DCTN6: variants seen among roughly 807,000 people sequenced by gnomAD.
The protein encoded by DCTN6 is dynactin 6.
Under a neutral mutation model 25.8 loss-of-function variants are expected in DCTN6, and 15 were observed. The ratio of observed to expected loss-of-function variants is 0.58; its 90% CI spans 0.39 to 0.89. The LOEUF (loss-of-function observed/expected upper bound fraction) is 0.89. Among genes scored for constraint, DCTN6 ranks in the 40% least tolerant of loss-of-function variants. The pLI is 0.00. For missense variants in DCTN6, 198 were observed against 237.6 expected, an observed-to-expected ratio of 0.83 and a Z score of 1.09; for synonymous variants, 64 against 78.3, an observed-to-expected ratio of 0.82 and a Z score of 0.96.
chr8:30,168,286 A>C (rs1272668624), intron 2 of DCTN6, among the ~76,000 whole-genome samples: 3 of 152,236 alleles, frequency 2.0e-5, no homozygotes, highest in African/African-American at 7.2e-5. Context: ...TTTCAGAATT[A>C]GTAATTAGAT....
At chr8:30,168,233 T>C (rs1167616931) in intron 2 of DCTN6, among the ~76,000 whole-genome samples, 2 of 152,256 alleles carry the variant, frequency 1.3e-5, no homozygotes, top group African/African-American at 4.8e-5. Flanking sequence ...GTCTCATTTT[T>C]GTTATGTATG....
chr8:30,157,383 T>C (rs1803540268), intron 1 of DCTN6, among the ~76,000 whole-genome samples: 1 of 152,242 alleles, frequency 6.6e-6, no homozygotes, highest in African/African-American at 2.4e-5. Context: ...TTGTGAATAG[T>C]ACAGTGATAG....
intron 2 of DCTN6, among the ~76,000 whole-genome samples, chr8:30,169,754 G>A (rs531723698): frequency 6.6e-6 from 1 of 152,288 alleles, no homozygotes; most frequent in South Asian, 2.1e-4. Flanking sequence ...ACGTTTCAGT[G>A]TGCTGTTTCT....
intron 2 of DCTN6, among the ~76,000 whole-genome samples, chr8:30,168,372 G>A (rs1020783978): frequency 6.6e-6 from 1 of 152,094 alleles, no homozygotes; most frequent in Non-Finnish European, 1.5e-5. Context: ...TTTTTCTGAT[G>A]TAATGCATCA....
At chr8:30,161,203 G>A (rs1342534486) in intron 1 of DCTN6, among the ~76,000 whole-genome samples, 2 of 152,116 alleles carry the variant, frequency 1.3e-5, no homozygotes, top group Admixed American at 6.5e-5. Flanking sequence ...TTGTGAAGAA[G>A]GTGTCTGCTT....
intron 4 of DCTN6, among the ~76,000 whole-genome samples, chr8:30,178,647 T>C (rs1319948815): frequency 2.0e-5 from 3 of 152,134 alleles, no homozygotes; most frequent in Non-Finnish European, 4.4e-5. Context: ...GTTATGTTTT[T>C]AAAGATTTTT....
chr8:30,173,464 G>A (rs920233788), intron 2 of DCTN6, among the ~76,000 whole-genome samples: 1 of 152,244 alleles, frequency 6.6e-6, no homozygotes, highest in African/African-American at 2.4e-5. Context: ...CATTAGGTGG[G>A]GCACAGTGGC....
intron 2 of DCTN6, chr8:30,165,842 CAA>C (rs1803660863): frequency 2.1e-5 from 3 of 144,896 alleles, no homozygotes; most frequent in Admixed American, 1.4e-4. Context: ...GCCTGGGCAA[CAA>C]GAGCGAAACT....
chr8:30,163,545 T>C (rs1192983914), intron 1 of DCTN6, among the ~76,000 whole-genome samples: 1 of 152,218 alleles, frequency 6.6e-6, no homozygotes, highest in East Asian at 1.9e-4. Context: ...AGCTTTTTGT[T>C]GTTTAGAAAC....
At chr8:30,177,331 T>G in intron 4 of DCTN6, 117 bp downstream of exon 4, 1 of 674,720 alleles carries the variant, frequency 1.5e-6, no homozygotes, top group Admixed American at 3.2e-5. Context: ...AGTCTTCTCC[T>G]GTAGAAATTG....
At chr8:30,178,961 G>T (rs1803879224) in intron 4 of DCTN6, among the ~76,000 whole-genome samples, 1 of 152,122 alleles carries the variant, frequency 6.6e-6, no homozygotes. Context: ...CTGGCCTAAA[G>T]ATTTTAATAG....
intron 6 of DCTN6, 134 bp from the exon 7 acceptor site, chr8:30,182,941 T>C: frequency 1.5e-6 from 1 of 679,916 alleles, no homozygotes; most frequent in Non-Finnish European, 2.6e-6. Context: ...CTGGAACTCC[T>C]GAGCTCAAAT....
At position 30,183,290 on chromosome 8, in the gene DCTN6, T is replaced by A; in HGVS notation, c.*117T>A. ...AATAATACATGTTCACTTTATTTTG[T>A]AAAATTGGGTTGAGAGGAAACTAAT... On this transcript the variant is annotated 3_prime_UTR_variant, in exon 7 of 7. Coordinates refer to ENST00000221114, the MANE Select transcript of DCTN6 (RefSeq NM_006571.4). 1 of 725,362 alleles carries A rather than the reference T, an allele frequency of 1.4e-6. No homozygotes were observed. Among genetic ancestry groups the A allele is most frequent in the Non-Finnish European group, 2.1e-6 (1 of 467,832 alleles). The allele number at this position is 725,362 out of a possible 1,614,324, so 44.9% of individuals were successfully genotyped here. A position where few individuals can be genotyped will look rare whatever the true frequency, so the allele number is the denominator to read the frequency against.
At chr8:30,180,419 C>T (rs1803895762) in intron 5 of DCTN6, 69 bp from the exon 6 acceptor site, 3 of 1,551,620 alleles carry the variant, frequency 1.9e-6, no homozygotes, top group African/African-American at 1.4e-5. Context: ...ACCTAAATCA[C>T]CTTAAGAAAA....
chr8:30,170,173 CAA>C (rs1265818844), intron 2 of DCTN6, among the ~76,000 whole-genome samples: 26 of 116,434 alleles, frequency 2.2e-4, no homozygotes, highest in Non-Finnish European at 2.0e-4. Flanking sequence ...ACTCTGTATC[CAA>C]AAAAAAAAAA....
At chr8:30,179,382 A>G (rs369018320) in intron 4 of DCTN6, 26 bp from the exon 5 acceptor site, 1 of 1,591,200 alleles carries the variant, frequency 6.3e-7, no homozygotes, top group Non-Finnish European at 8.6e-7. Context: ...ACATATTTGT[A>G]GTATTTACCT....
Position 30,177,205 on chromosome 8 carries a change from G to A in DCTN6, c.274G>A (p.Val92Ile), listed in dbSNP as rs966174227. The change falls in exon 4 of 7, where the codon GTT becomes ATT. Residue 92 changes from valine to isoleucine, a missense_variant. Val to Ile is a conservative substitution (Grantham distance 29). Transcript: ENST00000221114. The part of the protein sequence containing the change: ...MIIGTNNVFE[V>I]GCYSQAMKMG... ...CATTGGCACCAATAATGTGTTTGAAGTTGGCTGTTGTATCCTTTACAATAA... is the reference window on the plus strand; with the variant it reads ...CATTGGCACCAATAATGTGTTTGAAATTGGCTGTTGTATCCTTTACAATAA... 3.1e-6 allele frequency: 5 copies of A among 1,613,146 alleles called. No individual in the cohort carries two copies. The highest frequency in any genetic ancestry group is 4.2e-6 in the Non-Finnish European group (5 of 1,179,436).
intron 1 of DCTN6, among the ~76,000 whole-genome samples, chr8:30,161,502 C>A (rs1015281804): frequency 4.6e-4 from 70 of 152,114 alleles, no homozygotes; most frequent in African/African-American, 1.7e-3. Flanking sequence ...CCTTCAGTGA[C>A]TTCTTGCCTA....
In DCTN6 at chr8:30,168,788, C is replaced by T. The variant is rs138592101; in HGVS notation, c.88+4613C>T. Among the ~76,000 whole-genome samples the T allele has an allele frequency of 8.8e-3, 1,344 of 152,330 alleles. 6 individuals carry two copies. Among genetic ancestry groups the T allele is most frequent in the Middle Eastern group, 0.037 (11 of 294 alleles). On this transcript the variant is annotated intron_variant, in intron 2 of 6. Transcript: ENST00000221114. ...AGAAACCCTATGACTTGAAGCTCTG[C>T]TGGAGCCTGACCCCCTTATTCAAGG...
Sources: allele counts gnomAD v4.1 joint callset (sites outside exome capture counted in the v4.1 genomes callset), GRCh38; gene constraint gnomAD v4.1.1; transcripts MANE v1.5; gene names NCBI Gene and HGNC (gene_info 2026-07-23, HGNC 2026-07-21).